MED13L: variants seen among roughly 807,000 people sequenced by gnomAD.
The protein encoded by MED13L is mediator of RNA polymerase II transcription subunit 13-like.
A neutral mutation model predicts 220.9 loss-of-function variants in MED13L; 7 were observed. The observed-to-expected ratio is 0.03, with a 90% CI of 0.02 to 0.06. The LOEUF is 0.06. Among genes scored for constraint, MED13L ranks in the 10% least tolerant of loss-of-function variants. MED13L has a pLI of 1.00. For synonymous variants in MED13L, 1,011 were observed against 1,015.2 expected (o/e 1.00, Z 0.08); for missense variants, 1,965 against 2,760.5 (o/e 0.71, Z 6.46).
rs4351862 is a variant in MED13L, at chr12:115,991,037, G to A, written c.3917C>T (p.Ser1306Phe). The change falls in exon 17 of 31, where the codon TCT becomes TTT. Residue 1306 changes from serine to phenylalanine, a missense_variant. Ser to Phe is a radical substitution (Grantham distance 155, BLOSUM62 -2). Transcript: ENST00000281928. The surrounding 1 kb of genome is among the most constrained non-coding windows in gnomAD (Gnocchi z 7.7). ...ACACCTACCATTGCTGTGAGGCCAA[G>A]AGTGCACAGTGGCACTTCTCACCAG... ...EALVRSATVHSWPHSNVLDIS... is the reference protein window; with the variant it reads ...EALVRSATVHFWPHSNVLDIS... The A allele has an allele frequency of 6.2e-7, 1 of 1,614,018 alleles. No homozygotes were observed. Among genetic ancestry groups the A allele is most frequent in the Admixed American group, 1.7e-5 (1 of 60,028 alleles).
intron 1 of MED13L, among the ~76,000 whole-genome samples, chr12:116,241,863 A>G (rs1454605738): frequency 6.6e-6 from 1 of 152,190 alleles, no homozygotes; most frequent in African/African-American, 2.4e-5. Context: ...TGGGTGTTCG[A>G]AGATTTAGCT....
intron 5 of MED13L, among the ~76,000 whole-genome samples, chr12:116,020,946 A>G (rs1437592250): frequency 6.6e-6 from 1 of 152,172 alleles, no homozygotes; most frequent in Non-Finnish European, 1.5e-5. Flanking sequence ...TATAGACATC[A>G]CATGTATCGT....
intron 27 of MED13L, among the ~76,000 whole-genome samples, chr12:115,969,732 C>A (rs549853151): frequency 6.6e-6 from 1 of 152,120 alleles, no homozygotes; most frequent in South Asian, 2.1e-4. Flanking sequence ...CCACGTTGGC[C>A]AGGCTAGTCT....
In MED13L at chr12:116,111,531, AAG is replaced by A. The variant is rs1491460716; in HGVS notation, c.311-21_311-20del. 3.8e-6 allele frequency: 6 copies of A among 1,571,392 alleles called. No homozygotes were observed. The African/African-American group carries it at 6.8e-5, about 18-fold the overall frequency. The stretch of plus-strand genomic sequence containing the variant: ...TCCACAACTGAAAAAAAAAAGAAAA[AAG>A]AAAAAAAAAGAACCAGTAAAAAGGA... On this transcript the variant is annotated intron_variant, in intron 2 of 30. Coordinates refer to ENST00000281928, the MANE Select transcript of MED13L (RefSeq NM_015335.5).
At chr12:116,129,647 G>A (rs1875892484) in intron 2 of MED13L, among the ~76,000 whole-genome samples, 2 of 152,094 alleles carry the variant, frequency 1.3e-5, no homozygotes, top group South Asian at 2.1e-4. Context: ...GGTGGCTCAC[G>A]CCTGTAATCC....
intron 2 of MED13L, among the ~76,000 whole-genome samples, chr12:116,227,639 C>T (rs1434681498): frequency 6.6e-6 from 1 of 152,140 alleles, no homozygotes; most frequent in Non-Finnish European, 1.5e-5. Context: ...GCAGACTGAA[C>T]CAATTGATCA....
intron 1 of MED13L, 152 bp downstream of exon 1, chr12:116,276,907 CA>C: frequency 1.0e-6 from 1 of 1,001,954 alleles, no homozygotes; most frequent in Non-Finnish European, 1.5e-6. Flanking sequence ...AGAGACGATC[CA>C]AAAGGGGGAG....
At chr12:115,976,388 G>C (rs1462170885) in intron 23 of MED13L, among the ~76,000 whole-genome samples, 1 of 152,118 alleles carries the variant, frequency 6.6e-6, no homozygotes, top group Non-Finnish European at 1.5e-5. Context: ...ATGAATAAAA[G>C]AAGCCGAATG....
At chr12:116,071,453 T>C (rs1870364472) in intron 4 of MED13L, among the ~76,000 whole-genome samples, 1 of 152,188 alleles carries the variant, frequency 6.6e-6, no homozygotes, top group African/African-American at 2.4e-5. Context: ...TGAGACAGAG[T>C]TTCACTCTTG....
chr12:116,113,981 T>C (rs1039248307), intron 2 of MED13L, among the ~76,000 whole-genome samples: 4 of 152,118 alleles, frequency 2.6e-5, no homozygotes, highest in African/African-American at 9.7e-5. Context: ...ACCCTTTTTG[T>C]TTTTATTTTG....
intron 2 of MED13L, among the ~76,000 whole-genome samples, chr12:116,118,998 T>G (rs1874774399): frequency 6.6e-6 from 1 of 152,168 alleles, no homozygotes; most frequent in Non-Finnish European, 1.5e-5. Context: ...GTGCCAAGCT[T>G]TGAATTAGGC....
intron 2 of MED13L, among the ~76,000 whole-genome samples, chr12:116,165,479 C>T (rs945300891): frequency 2.0e-5 from 3 of 151,582 alleles, no homozygotes; most frequent in Non-Finnish European, 4.4e-5. Context: ...TATAGGCGCC[C>T]GCCACCAAGC....
At position 116,007,514 on chromosome 12, in the gene MED13L, A is replaced by G; in HGVS notation, c.2135T>C (p.Val712Ala). The G allele has an allele frequency of 6.2e-7, 1 of 1,613,930 alleles. No individual in the cohort carries two copies. Among genetic ancestry groups the G allele is most frequent in the Non-Finnish European group, 8.5e-7 (1 of 1,179,906 alleles). Reference protein sequence around the residue: ...SQQPGDSLGEVNDPYTFEDGD... With the variant: ...SQQPGDSLGEANDPYTFEDGD... Reference sequence around the variant, plus strand: ...ATCTTCAAAGGTATATGGGTCATTCACTTCTCCCAAACTGTCTCCAGGTTG... The same window carrying G: ...ATCTTCAAAGGTATATGGGTCATTCGCTTCTCCCAAACTGTCTCCAGGTTG... Residue 712 changes from valine (V) to alanine (A), a missense_variant, in exon 11 of 31, where the codon GTG (valine) becomes GCG (alanine). Coordinates refer to ENST00000281928, the MANE Select transcript of MED13L (RefSeq NM_015335.5).
chr12:115,963,363 A>T, intron 30 of MED13L, 44 bp downstream of exon 30: 1 of 1,414,266 alleles, frequency 7.1e-7, no homozygotes, highest in Middle Eastern at 1.8e-4. Flanking sequence ...GTAAAGGAAT[A>T]TTGTTTCAAA....
At chr12:116,109,125 T>C (rs1195753035) in intron 3 of MED13L, among the ~76,000 whole-genome samples, 1 of 129,930 alleles carries the variant, frequency 7.7e-6, no homozygotes, top group East Asian at 2.6e-4. Context: ...GGCTAGAGTG[T>C]GGTGGCATGA....
intron 1 of MED13L, among the ~76,000 whole-genome samples, chr12:116,273,980 T>C (rs934275553): frequency 6.6e-6 from 1 of 152,172 alleles, no homozygotes; most frequent in African/African-American, 2.4e-5. Context: ...ACTGAGTGAA[T>C]ATATAAAAAG....
At position 116,015,096 on chromosome 12, in the gene MED13L, C is replaced by T. The variant is rs767712157; in HGVS notation, c.1175+13G>A. On this transcript the variant is annotated intron_variant, in intron 8 of 30. Coordinates refer to ENST00000281928, the MANE Select transcript of MED13L (RefSeq NM_015335.5). ...TACTAAACTATGATCTAGACATAAT[C>T]GAGAAAACTTACTTGGACTGGGTTC... 22 of 1,608,948 alleles carry T rather than the reference C, an allele frequency of 1.4e-5. No individual in the cohort carries two copies. The highest frequency in any genetic ancestry group is 3.3e-5 in the Admixed American group (2 of 59,958).
At chr12:116,078,591 A>G (rs1870998030) in intron 4 of MED13L, among the ~76,000 whole-genome samples, 1 of 152,070 alleles carries the variant, frequency 6.6e-6, no homozygotes, top group Non-Finnish European at 1.5e-5. Flanking sequence ...CCTGCCACCC[A>G]TTTCTTGTAA....
chr12:116,144,777 T>C (rs1480583640), intron 2 of MED13L, among the ~76,000 whole-genome samples: 2 of 152,214 alleles, frequency 1.3e-5, no homozygotes, highest in Non-Finnish European at 2.9e-5. Context: ...GAATCTGATA[T>C]GCAATTAGCA....
Sources: gnomAD v4.1 joint callset for allele counts (sites outside exome capture counted in the v4.1 genomes callset) on GRCh38, gnomAD v4.1.1 for gene constraint, Gnocchi (gnomAD v3.1) non-coding constraint, MANE v1.5 for transcripts, NCBI Gene and HGNC (gene_info 2026-07-23, HGNC 2026-07-21) for gene names.